SGCD: variants seen among roughly 807,000 people sequenced by gnomAD.
SGCD encodes the protein delta-sarcoglycan.
Under a neutral mutation model 36.6 loss-of-function variants are expected in SGCD, and 18 were observed. The ratio of observed to expected loss-of-function variants is 0.49; its 90% confidence interval spans 0.34 to 0.73. The LOEUF (loss-of-function observed/expected upper bound fraction) is 0.73, where lower values mean the gene tolerates loss of function less well. Among genes scored for constraint, SGCD ranks in the 30% least tolerant of loss-of-function variants. SGCD has a pLI of 0.01. For synonymous variants in SGCD, 133 were observed against 130.6 expected, an observed-to-expected ratio of 1.02 and a Z score of -0.12; for missense variants, 387 against 346.7, an observed-to-expected ratio of 1.12 and a Z score of -0.92.
rs1757566909 is a variant in SGCD at position 156,765,240 on chromosome 5, G to A, written c.*5850G>A. Reference sequence around the variant, plus strand: ...TTTTGGTGAAATCAGAGATAGCTCAGGATTTCATAAAACGAGAAACTCCAA... The same window carrying A: ...TTTTGGTGAAATCAGAGATAGCTCAAGATTTCATAAAACGAGAAACTCCAA... On this transcript the variant is annotated 3_prime_UTR_variant, in exon 9 of 9. Coordinates refer to ENST00000337851, the MANE Select transcript of SGCD (RefSeq NM_000337.6). 1 of 152,184 alleles carries A rather than the reference G, an allele frequency of 6.6e-6. No homozygotes were observed. Among genetic ancestry groups the A allele is most frequent in the Admixed American group, 6.5e-5 (1 of 15,286 alleles). 9.4% of individuals were successfully genotyped at this position (152,184 alleles called of 1,614,324 possible). A position where few individuals can be genotyped will look rare whatever the true frequency, so the allele number is the denominator to read the frequency against.
At chr5:156,016,895 G>A (rs1244854803) in intron 1 of SGCD, among the ~76,000 whole-genome samples, 1 of 152,106 alleles carries the variant, frequency 6.6e-6, no homozygotes, top group African/African-American at 2.4e-5. Context: ...TGTTTGTGTT[G>A]GAGGTATACA....
chr5:156,393,517 A>G (rs1298192592), intron 3 of SGCD, among the ~76,000 whole-genome samples: 3 of 152,190 alleles, frequency 2.0e-5, no homozygotes, highest in Admixed American at 1.3e-4. Context: ...TCTTGCTGTG[A>G]TTTAGTTTAT....
At chr5:155,838,879 G>A in the SGCD span, among the ~76,000 whole-genome samples, 88,503 of 151,598 alleles carry the variant, frequency 0.58, 27,157 homozygotes, top group African/African-American at 0.78. Flanking sequence ...TAACCAAAAT[G>A]AGTGACTGAG....
At chr5:156,444,105 TCTCTCTCTCTC>T (rs1753640613) in intron 3 of SGCD, among the ~76,000 whole-genome samples, 5 of 105,290 alleles carry the variant, frequency 4.7e-5, no homozygotes, top group African/African-American at 2.6e-4. Flanking sequence ...TCTCTCTCTC[TCTCTCTCTCTC>T]CCCTTCCCTC....
chr5:155,778,353 C>T, the SGCD span, among the ~76,000 whole-genome samples: 1 of 152,060 alleles, frequency 6.6e-6, no homozygotes, highest in South Asian at 2.1e-4. Context: ...AAATTGTTTC[C>T]TAATATATCG....
intron 1 of SGCD, among the ~76,000 whole-genome samples, chr5:156,035,476 G>A (rs1759466655): frequency 6.6e-6 from 1 of 152,054 alleles, no homozygotes; most frequent in Admixed American, 6.6e-5. Flanking sequence ...CAGGTATGGT[G>A]GCACATGCCT....
chr5:156,039,488 A>G (rs1425028626), intron 1 of SGCD, among the ~76,000 whole-genome samples: 1 of 152,082 alleles, frequency 6.6e-6, no homozygotes, highest in Non-Finnish European at 1.5e-5. Flanking sequence ...GCTCTTTCTC[A>G]CAAATTTATG....
At chr5:155,890,199 ACT>A (rs1435185778) in intron 1 of SGCD, among the ~76,000 whole-genome samples, 1 of 152,132 alleles carries the variant, frequency 6.6e-6, no homozygotes, top group African/African-American at 2.4e-5. Context: ...AGAAACAGAA[ACT>A]CTGTGCAGGC....
At chr5:156,424,941 A>G (rs529899092) in intron 3 of SGCD, among the ~76,000 whole-genome samples, 3 of 152,176 alleles carry the variant, frequency 2.0e-5, no homozygotes, top group Admixed American at 6.6e-5. Context: ...CTGGCCACGT[A>G]GGCAGCCTGT....
intron 3 of SGCD, among the ~76,000 whole-genome samples, chr5:156,349,409 A>C (rs562553671): frequency 2.0e-5 from 3 of 151,948 alleles, no homozygotes; most frequent in Non-Finnish European, 2.9e-5. Context: ...AAAAAAAAAC[A>C]GGTGATCTCA....
At chr5:156,468,216 C>CT (rs765971723) in intron 3 of SGCD, among the ~76,000 whole-genome samples, 17 of 151,726 alleles carry the variant, frequency 1.1e-4, no homozygotes, top group Non-Finnish European at 1.9e-4. Flanking sequence ...TGGTGCATGA[C>CT]TATAGTCTCA....
intron 1 of SGCD, among the ~76,000 whole-genome samples, chr5:156,052,548 G>C (rs1352288885): frequency 6.8e-6 from 1 of 146,152 alleles, no homozygotes; most frequent in East Asian, 1.9e-4. Flanking sequence ...AGGGTGGTGA[G>C]ATATATAGAA....
intron 1 of SGCD, among the ~76,000 whole-genome samples, chr5:155,928,422 C>T (rs949198122): frequency 1.3e-5 from 2 of 152,040 alleles, no homozygotes; most frequent in African/African-American, 4.8e-5. Context: ...AATCCCAACA[C>T]TTTGGGAGGC....
At chr5:155,886,509 T>C (rs1426937832) in intron 1 of SGCD, among the ~76,000 whole-genome samples, 5 of 150,212 alleles carry the variant, frequency 3.3e-5, no homozygotes, top group Non-Finnish European at 4.4e-5. Context: ...CACGCGCGCG[T>C]GCGTGTGTGT....
chr5:155,813,484 A>G, the SGCD span, among the ~76,000 whole-genome samples: 3 of 152,264 alleles, frequency 2.0e-5, no homozygotes, highest in South Asian at 6.2e-4. Flanking sequence ...CTGATCAGAA[A>G]AACACCCTGT....
chr5:155,901,644 G>A (rs244969), intron 1 of SGCD, among the ~76,000 whole-genome samples: 138,224 of 152,186 alleles, frequency 0.91, 62,893 homozygotes, highest in African/African-American at 0.95. Context: ...AGAAAAAAAA[G>A]TTACCTTTAG....
chr5:156,323,507 G>A (rs1018933290), upstream of SGCD, among the ~76,000 whole-genome samples: 1 of 152,088 alleles, frequency 6.6e-6, no homozygotes, highest in African/African-American at 2.4e-5. Context: ...TATTCAATGG[G>A]TAAAAATGAG....
At chr5:155,857,120 C>T in the SGCD span, among the ~76,000 whole-genome samples, 6 of 152,110 alleles carry the variant, frequency 3.9e-5, no homozygotes, top group African/African-American at 1.2e-4. Flanking sequence ...GCCTGTAATC[C>T]CAGCTACTTG....
At chr5:156,683,205 ATGC>A (rs1275457593) in intron 7 of SGCD, among the ~76,000 whole-genome samples, 13 of 152,210 alleles carry the variant, frequency 8.5e-5, no homozygotes, top group African/African-American at 3.1e-4. Context: ...AGGATTGTTC[ATGC>A]TGTAAGATTT....
Sources: allele counts gnomAD v4.1 joint callset (sites outside exome capture counted in the v4.1 genomes callset), GRCh38; gene constraint gnomAD v4.1.1; transcripts MANE v1.5; gene names NCBI Gene and HGNC (gene_info 2026-07-23, HGNC 2026-07-21).